The following TOX2 variants were observed in gnomAD, a reference collection of about 807,000 sequenced individuals.
TOX2 encodes TOX high mobility group box family member 2, also known as granulosa cell HMG box 1.
TOX2 carries 15 observed loss-of-function variants against 47.4 expected under a neutral mutation model. That is an observed-to-expected ratio of 0.32 (90% CI 0.21 to 0.49). TOX2 has a LOEUF of 0.49. Among genes scored for constraint, TOX2 ranks in the 20% least tolerant of loss-of-function variants. The pLI, the probability that TOX2 is intolerant of heterozygous loss-of-function variation, is 0.99. For synonymous variants in TOX2, 290 were observed against 296.6 expected, an observed-to-expected ratio of 0.98 and a Z score of 0.23; for missense variants, 622 against 673.1, an observed-to-expected ratio of 0.92 and a Z score of 0.84.
intron 3 of TOX2, among the ~76,000 whole-genome samples, chr20:44,031,578 G>C (rs2071153150): frequency 6.6e-6 from 1 of 152,182 alleles, no homozygotes; most frequent in South Asian, 2.1e-4. Flanking sequence ...GGCTGTGACA[G>C]TTCACAGGCC....
At chr20:44,068,251 A>T (rs994792699) in intron 8 of TOX2, among the ~76,000 whole-genome samples, 4 of 152,130 alleles carry the variant, frequency 2.6e-5, no homozygotes, top group African/African-American at 9.7e-5. Flanking sequence ...CATCACATCC[A>T]GCATGGAGGT....
At chr20:43,941,702 GA>G (rs544884457) in intron 1 of TOX2, among the ~76,000 whole-genome samples, 1 of 152,140 alleles carries the variant, frequency 6.6e-6, no homozygotes, top group Non-Finnish European at 1.5e-5. Flanking sequence ...TTGACTTAAG[GA>G]GGTTTCCTGA....
At chr20:44,037,007 T>G (rs1354847431) in intron 3 of TOX2, among the ~76,000 whole-genome samples, 1 of 152,190 alleles carries the variant, frequency 6.6e-6, no homozygotes, top group Non-Finnish European at 1.5e-5. Context: ...CAGGCTGGAG[T>G]GCAATGGTGC....
intron 3 of TOX2, among the ~76,000 whole-genome samples, chr20:44,032,749 C>T (rs986698720): frequency 1.3e-5 from 2 of 152,158 alleles, no homozygotes; most frequent in African/African-American, 4.8e-5. Flanking sequence ...AACCTCACAC[C>T]CCCAGCTGAG....
In TOX2 at chr20:43,936,671, G is replaced by A. The variant is rs147515274; in HGVS notation, c.99+21681G>A. Among the ~76,000 whole-genome samples the A allele has an allele frequency of 6.5e-4, 99 of 152,314 alleles. 1 individual carries two copies. Among genetic ancestry groups the A allele is most frequent in the African/African-American group, 2.3e-3 (95 of 41,568 alleles). ...GCTAGCTCGGGCATGTGCACCTGGG[G>A]CTCCCAGGCTCCCTGGTGCATCAAG... On this transcript the variant is annotated intron_variant, in intron 1 of 8. Coordinates refer to ENST00000341197, the MANE Select transcript of TOX2 (RefSeq NM_001098797.2).
At chr20:44,054,183 G>C in intron 4 of TOX2, 116 bp from the exon 5 acceptor site, 2 of 1,103,310 alleles carry the variant, frequency 1.8e-6, no homozygotes, top group Non-Finnish European at 1.3e-6. Flanking sequence ...CGCGCGAGTG[G>C]TTATCTGTGC....
At chr20:43,980,811 G>A (rs2070156983) in intron 2 of TOX2, among the ~76,000 whole-genome samples, 1 of 151,692 alleles carries the variant, frequency 6.6e-6, no homozygotes, top group African/African-American at 2.4e-5. Context: ...ACTTAAAATT[G>A]GACCATAAAT....
intron 2 of TOX2, among the ~76,000 whole-genome samples, chr20:43,993,080 C>G (rs1251557156): frequency 2.0e-5 from 3 of 152,034 alleles, no homozygotes; most frequent in African/African-American, 7.3e-5. Flanking sequence ...CGTGGCATGT[C>G]AGACACCATC....
intron 2 of TOX2, among the ~76,000 whole-genome samples, chr20:43,991,818 A>G (rs1223254345): frequency 2.0e-5 from 3 of 151,780 alleles, no homozygotes; most frequent in Non-Finnish European, 4.4e-5. Flanking sequence ...TCATTTTTGT[A>G]TTTTTAGTAC....
chr20:44,002,857 G>A (rs1298412415), intron 2 of TOX2, among the ~76,000 whole-genome samples: 2 of 152,130 alleles, frequency 1.3e-5, no homozygotes, highest in African/African-American at 4.8e-5. Context: ...CCACAGGGAG[G>A]GTCCCAAGCC....
intron 3 of TOX2, among the ~76,000 whole-genome samples, chr20:44,015,951 C>A (rs2070871125): frequency 6.6e-6 from 1 of 152,084 alleles, no homozygotes; most frequent in South Asian, 2.1e-4. Context: ...AACACGCAGG[C>A]TGGTTTTCTG....
At chr20:43,995,064 G>A (rs181534433) in intron 2 of TOX2, among the ~76,000 whole-genome samples, 11 of 151,660 alleles carry the variant, frequency 7.3e-5, no homozygotes, top group South Asian at 2.1e-4. Flanking sequence ...TCATTTTACC[G>A]GTATGGCTTT....
intron 1 of TOX2, among the ~76,000 whole-genome samples, chr20:43,918,827 GGAAAA>G (rs1197628918): frequency 3.3e-5 from 5 of 152,102 alleles, no homozygotes; most frequent in African/African-American, 1.2e-4. Flanking sequence ...TTGTGGGCGG[GGAAAA>G]TCATTTAATA....
chr20:44,012,557 T>C (rs914107887), intron 3 of TOX2, among the ~76,000 whole-genome samples: 5 of 152,106 alleles, frequency 3.3e-5, no homozygotes, highest in Admixed American at 6.5e-5. Context: ...GCAGGAGAGG[T>C]ATGCAGTGTC....
intron 5 of TOX2, among the ~76,000 whole-genome samples, chr20:44,059,996 C>A (rs567217598): frequency 1.3e-5 from 2 of 152,198 alleles, no homozygotes; most frequent in South Asian, 4.1e-4. Context: ...TGAGTATCTG[C>A]TGTCTTCAAG....
At chr20:43,931,224 G>A (rs777252961) in intron 1 of TOX2, among the ~76,000 whole-genome samples, 25 of 151,976 alleles carry the variant, frequency 1.6e-4, no homozygotes, top group South Asian at 4.1e-4. Flanking sequence ...CTGCAGCCTC[G>A]ACCTCCTGGG....
chr20:44,028,508 T>G (rs908586160), intron 3 of TOX2, among the ~76,000 whole-genome samples: 3 of 152,234 alleles, frequency 2.0e-5, no homozygotes, highest in Non-Finnish European at 4.4e-5. Context: ...TCAGGATCAC[T>G]CACGCACTCA....
chr20:43,927,845 G>T (rs951800435), intron 1 of TOX2, among the ~76,000 whole-genome samples: 2 of 139,032 alleles, frequency 1.4e-5, no homozygotes, highest in Non-Finnish European at 3.1e-5. Flanking sequence ...CCTGCTGTAT[G>T]CAAGGCTTTG....
intron 3 of TOX2, among the ~76,000 whole-genome samples, chr20:44,018,788 C>T (rs1415149374): frequency 6.6e-6 from 1 of 152,176 alleles, no homozygotes; most frequent in Non-Finnish European, 1.5e-5. Context: ...GTTTCCAGGA[C>T]AAGCGCGCCC....
Sources: gnomAD v4.1 joint callset for allele counts (sites outside exome capture counted in the v4.1 genomes callset) on GRCh38, gnomAD v4.1.1 for gene constraint, MANE v1.5 for transcripts, NCBI Gene and HGNC (gene_info 2026-07-23, HGNC 2026-07-21) for gene names.